Variants in NPEPL1 observed in about 807,000 individuals in gnomAD.
The protein encoded by NPEPL1 is probable aminopeptidase NPEPL1.
NPEPL1 carries 45 observed loss-of-function variants against 52.4 expected under a neutral mutation model. That is an observed-to-expected ratio of 0.86 (90% CI 0.68 to 1.10). The LOEUF is 1.10. Ranked by LOEUF, NPEPL1 falls within the 50% of genes least tolerant of loss-of-function variation. The pLI is 0.00. For synonymous variants in NPEPL1, 360 were observed against 314.7 expected (o/e 1.14, Z -1.52); for missense variants, 696 against 710.9 (o/e 0.98, Z 0.24).
chr20:58,714,308 C>G, intron 10 of NPEPL1: 2 of 621,778 alleles, frequency 3.2e-6, no homozygotes, highest in South Asian at 4.3e-5. Context: ...CCAAGGGTTT[C>G]TCCCCCAGTC....
chr20:58,700,968 G>A (rs368420501), intron 5 of NPEPL1, 48 bp from the exon 6 acceptor site: 33 of 1,424,116 alleles, frequency 2.3e-5, no homozygotes, highest in East Asian at 8.8e-5. Flanking sequence ...GGAGTTCCCC[G>A]CTCAGCTCAG....
chr20:58,691,951 T>C, upstream of NPEPL1: 1 of 727,032 alleles, frequency 1.4e-6, no homozygotes. Context: ...CACTCAAGGC[T>C]CACCCCTGGC....
At chr20:58,712,923 T>G in intron 8 of NPEPL1, 1 of 398,870 alleles carries the variant, frequency 2.5e-6, no homozygotes, top group Admixed American at 3.5e-5. Context: ...CGGGGACACC[T>G]CCTGCATCTC....
intron 4 of NPEPL1, 67 bp from the exon 5 acceptor site, chr20:58,699,130 G>A (rs2123102390): frequency 9.7e-6 from 14 of 1,437,806 alleles, no homozygotes; most frequent in East Asian, 4.9e-5. Context: ...CCCCAGCCTC[G>A]GCCTCTCCTG....
chr20:58,713,400 G>T lies in NPEPL1; in HGVS notation c.1002-20G>T. ...CCCAGGAAATCCCGTCCCTGAGCGG[G>T]GATCTCTACCATGCCCCAGGACGGT... On this transcript the variant is annotated intron_variant, in intron 8 of 11. Coordinates refer to ENST00000356091, the MANE Select transcript of NPEPL1 (RefSeq NM_024663.4). This position sits in a 1 kb window ranked among gnomAD's most constrained non-coding sequence, Gnocchi z 4.6. The T allele has an allele frequency of 6.3e-7, 1 of 1,581,102 alleles. No homozygotes were observed. The highest frequency in any genetic ancestry group is 8.6e-7 in the Non-Finnish European group (1 of 1,160,218).
chr20:58,708,215 A>G (rs970586757), intron 7 of NPEPL1, among the ~76,000 whole-genome samples: 5 of 152,252 alleles, frequency 3.3e-5, no homozygotes, highest in African/African-American at 4.8e-5. Context: ...GGCCTTGGCA[A>G]GTAGTTTCCA....
Position 58,707,017 on chromosome 20 carries a change from G to A in NPEPL1, c.823-106G>A, listed in dbSNP as rs1469620675. The A allele has an allele frequency of 1.5e-5, 18 of 1,168,956 alleles. 1 individual carries two copies. The East Asian group carries it at 3.6e-4, about 23-fold the overall frequency. 72.4% of individuals were successfully genotyped at this position (1,168,956 alleles called of 1,614,324 possible). A position where few individuals can be genotyped will look rare whatever the true frequency, so the allele number is the denominator to read the frequency against. ...TGGGGGCTGCCCAGGCCTGAGAGCT[G>A]GGGAAGGTGGGGCTAGCGTGGGGCC... On this transcript the variant is annotated intron_variant, in intron 6 of 11. Transcript: ENST00000356091.
At chr20:58,712,674 G>T (rs1209640637) in intron 8 of NPEPL1, 95 bp downstream of exon 8, 7 of 931,036 alleles carry the variant, frequency 7.5e-6, no homozygotes, top group Non-Finnish European at 1.2e-5. Flanking sequence ...TATCGGGAGG[G>T]CACTCAGCGT....
chr20:58,705,945 AAGC>A (rs1241901085), intron 6 of NPEPL1, among the ~76,000 whole-genome samples: 3 of 152,214 alleles, frequency 2.0e-5, no homozygotes, highest in Admixed American at 6.5e-5. Flanking sequence ...TCAATTATAA[AAGC>A]AGCTCAATTT....
intron 3 of NPEPL1, among the ~76,000 whole-genome samples, chr20:58,697,145 G>A (rs1343306084): frequency 6.6e-6 from 1 of 152,220 alleles, no homozygotes; most frequent in Non-Finnish European, 1.5e-5. Context: ...TCAGAGTCTT[G>A]CACGATGCCT....
chr20:58,707,406 G>A (rs907352389), intron 7 of NPEPL1, among the ~76,000 whole-genome samples: 1 of 152,230 alleles, frequency 6.6e-6, no homozygotes, highest in Non-Finnish European at 1.5e-5. Context: ...AGGCCCCGAG[G>A]GCAAGGTGCA....
At chr20:58,696,232 C>T (rs2123091924) in intron 3 of NPEPL1, among the ~76,000 whole-genome samples, 1 of 152,072 alleles carries the variant, frequency 6.6e-6, no homozygotes, top group East Asian at 1.9e-4. Context: ...GCCACGCCCA[C>T]TCCTGCTCTT....
In NPEPL1 at chr20:58,698,707, C is replaced by T. The variant is rs1200845937; in HGVS notation, c.531C>T (p.Gly177=). The T allele has an allele frequency of 2.5e-6, 4 of 1,612,778 alleles. No homozygotes were observed. Among genetic ancestry groups the T allele is most frequent in the Non-Finnish European group, 2.5e-6 (3 of 1,179,770 alleles). The stretch of plus-strand genomic sequence containing the variant: ...AGTGCTTAGCGAATGCCACAGACGG[C>T]GTGCGGCTAGCAGCCCGCATCGTGG... ...TLQCLANATD[G]VRLAARIVDT... The change falls in exon 4 of 12, where the codon GGC becomes GGT. Residue 177 remains glycine (G), a synonymous_variant. Coordinates refer to ENST00000356091, the MANE Select transcript of NPEPL1 (RefSeq NM_024663.4).
At chr20:58,714,392 T>C (rs2084915261) in intron 10 of NPEPL1, 168 bp from the exon 11 acceptor site, 1 of 615,666 alleles carries the variant, frequency 1.6e-6, no homozygotes, top group African/African-American at 1.9e-5. Flanking sequence ...GCAGACTCCT[T>C]AGCTCATGGT....
rs2084928917 is a variant in NPEPL1 at position 58,715,203 on chromosome 20, G to C, written c.1449G>C (p.Leu483=). 1 of 1,607,944 alleles carries C rather than the reference G, an allele frequency of 6.2e-7. No homozygotes were observed. Among genetic ancestry groups the C allele is most frequent in the East Asian group, 2.2e-5 (1 of 44,742 alleles). The stretch of plus-strand genomic sequence containing the variant: ...CCACAGGCTTCGGTGTGGCCCTCCT[G>C]CTGGCGCTCTTCGGCCGTGCCTCTG... ...ERATGFGVAL[L]LALFGRASED... The change falls in exon 12 of 12, where the codon CTG becomes CTC. Residue 483 remains leucine (L), a synonymous_variant. Transcript: ENST00000356091.
intron 6 of NPEPL1, among the ~76,000 whole-genome samples, chr20:58,701,793 T>G (rs561506361): frequency 1.3e-5 from 2 of 152,072 alleles, no homozygotes; most frequent in African/African-American, 4.8e-5. Context: ...GAGGGGAATC[T>G]GGGCACGGCA....
intron 6 of NPEPL1, among the ~76,000 whole-genome samples, chr20:58,701,443 A>G (rs1348287382): frequency 2.6e-4 from 2 of 7,676 alleles, no homozygotes; most frequent in African/African-American, 5.7e-4. Context: ...GGGGGCGGCG[A>G]GGTTTCTGGG....
In NPEPL1 at chr20:58,714,614, G is replaced by A. The variant is rs374166406; in HGVS notation, c.1357G>A (p.Gly453Ser). The change falls in exon 11 of 12, where the codon GGC becomes AGC. Residue 453 changes from glycine (G) to serine (S), a missense_variant. Coordinates refer to ENST00000356091, the MANE Select transcript of NPEPL1 (RefSeq NM_024663.4). ...CAGLFIASHI[G>S]FDWPGVWVHL... ...TGGCCTCTTCATCGCCTCACACATC[G>A]GCTTCGACTGGCCCGGAGTCTGGGT... 129 of 1,597,028 alleles carry A rather than the reference G, an allele frequency of 8.1e-5. No homozygotes were observed. The highest frequency in any genetic ancestry group is 9.6e-5 in the Non-Finnish European group (113 of 1,173,554).
chr20:58,701,803 A>G (rs2084629674), intron 6 of NPEPL1, among the ~76,000 whole-genome samples: 1 of 152,088 alleles, frequency 6.6e-6, no homozygotes, highest in African/African-American at 2.4e-5. Flanking sequence ...TGGGCACGGC[A>G]CAGAAGCGAG....
Sources: gnomAD v4.1 joint callset for allele counts (sites outside exome capture counted in the v4.1 genomes callset) on GRCh38, gnomAD v4.1.1 for gene constraint, Gnocchi (gnomAD v3.1) non-coding constraint, MANE v1.5 for transcripts, NCBI Gene and HGNC (gene_info 2026-07-23, HGNC 2026-07-21) for gene names.